The following TRIO variants were observed in gnomAD, a reference collection of about 807,000 sequenced individuals.
TRIO encodes trio Rho guanine nucleotide exchange factor, also known as triple functional domain protein.
In TRIO, 58 loss-of-function variants were observed where a neutral mutation model predicts 351.9. The observed-to-expected ratio is 0.16, with a 90% CI of 0.13 to 0.21. The LOEUF is 0.21. Among genes scored for constraint, TRIO ranks in the 10% least tolerant of loss-of-function variants. The probability of loss-of-function intolerance (pLI) is 1.00; values close to 1 mark genes in which losing one functional copy is unlikely to be tolerated. For missense variants in TRIO, 3,201 were observed against 4,027.8 expected, an observed-to-expected ratio of 0.79 and a Z score of 5.56; for synonymous variants, 1,758 against 1,595.7, an observed-to-expected ratio of 1.10 and a Z score of -2.42.
rs766404401 is a variant in TRIO at position 14,382,099 on chromosome 5, G to A, written c.3570+847G>A. On this transcript the variant is annotated intron_variant, in intron 21 of 56. Transcript: ENST00000344204. Reference sequence around the variant, plus strand: ...GCCTCTATTGTTGATGACAGATTTCGAGTTTTTGGAAAAATCTGACAATTA... The same window carrying A: ...GCCTCTATTGTTGATGACAGATTTCAAGTTTTTGGAAAAATCTGACAATTA... Among the ~76,000 whole-genome samples the A allele has an allele frequency of 5.9e-5, 9 of 152,238 alleles. No individual in the cohort carries two copies. The East Asian group carries it at 7.7e-4, about 13-fold the overall frequency.
chr5:14,257,278 C>T (rs911107956), intron 1 of TRIO, among the ~76,000 whole-genome samples: 5 of 152,202 alleles, frequency 3.3e-5, no homozygotes, highest in African/African-American at 1.2e-4. Context: ...AGCTGCAAAG[C>T]GTTGTGATAG....
At chr5:14,448,694 AT>A (rs985207635) in intron 34 of TRIO, among the ~76,000 whole-genome samples, 8 of 152,108 alleles carry the variant, frequency 5.3e-5, no homozygotes, top group Non-Finnish European at 8.8e-5. Context: ...GCTGCTGGGC[AT>A]GGATGTCTTC....
rs2152110510 is a variant in TRIO at position 14,143,624 on chromosome 5, A to C, written c.-102A>C. 5 of 366,908 alleles carry C rather than the reference A, an allele frequency of 1.4e-5. No homozygotes were observed. The highest frequency in any genetic ancestry group is 2.2e-5 in the African/African-American group (1 of 44,586). 22.7% of individuals were successfully genotyped at this position (366,908 alleles called of 1,614,324 possible). On this transcript the variant is annotated 5_prime_UTR_variant, in exon 1 of 57. Transcript: ENST00000344204. The stretch of plus-strand genomic sequence containing the variant: ...CTGCGTCCGCGCGCCGGGCGCGGGC[A>C]GCTGGGTGCTCGGCGCCGCCAGGCC...
chr5:14,203,799 T>C (rs1356099335), intron 1 of TRIO, among the ~76,000 whole-genome samples: 1 of 151,984 alleles, frequency 6.6e-6, no homozygotes, highest in Admixed American at 6.6e-5. Context: ...CTAGTCCTTT[T>C]CTCAGCAGAC....
chr5:14,458,041 C>CT (rs150710417), intron 34 of TRIO, among the ~76,000 whole-genome samples: 2,586 of 137,740 alleles, frequency 0.019, 26 homozygotes, highest in Middle Eastern at 0.049. Flanking sequence ...GGGCCTGGGT[C>CT]TTTTTTTTTT....
intron 34 of TRIO, chr5:14,441,365 A>C (rs993522357): frequency 6.5e-6 from 1 of 154,678 alleles, no homozygotes; most frequent in Non-Finnish European, 1.5e-5. Context: ...ACCTAGGTAC[A>C]CAAGCTCTCT....
chr5:14,183,689 G>A (rs1436154541), intron 1 of TRIO: 1 of 356,704 alleles, frequency 2.8e-6, no homozygotes, highest in African/African-American at 2.0e-5. Flanking sequence ...TTTCAGACTT[G>A]GATCAAAAAC....
intron 34 of TRIO, among the ~76,000 whole-genome samples, chr5:14,450,495 C>T (rs754620210): frequency 2.0e-5 from 3 of 151,842 alleles, no homozygotes; most frequent in Non-Finnish European, 2.9e-5. Context: ...CAGCATGAGC[C>T]GTGGCAGTGC....
chr5:14,376,097 G>A (rs184456674), intron 19 of TRIO, among the ~76,000 whole-genome samples: 3 of 152,274 alleles, frequency 2.0e-5, no homozygotes, highest in Admixed American at 2.0e-4. Context: ...CATTTTGGAG[G>A]TAGTATTGAG....
chr5:14,458,888 C>G (rs1408124790), intron 34 of TRIO, among the ~76,000 whole-genome samples: 1 of 152,172 alleles, frequency 6.6e-6, no homozygotes, highest in Non-Finnish European at 1.5e-5. Context: ...CCTTCCAGAC[C>G]ACACCGAAGG....
chr5:14,247,831 G>A (rs1794522822), intron 1 of TRIO, among the ~76,000 whole-genome samples: 1 of 152,096 alleles, frequency 6.6e-6, no homozygotes, highest in Non-Finnish European at 1.5e-5. Context: ...ACTTTGAGAG[G>A]CCGAGACAGG....
intron 1 of TRIO, among the ~76,000 whole-genome samples, chr5:14,239,935 T>C (rs917421151): frequency 5.3e-5 from 8 of 152,146 alleles, no homozygotes; most frequent in Admixed American, 4.6e-4. Context: ...AGGAGGAGTA[T>C]TTTCTTGATT....
At chr5:14,312,878 G>A (rs1739050783) in intron 8 of TRIO, among the ~76,000 whole-genome samples, 1 of 152,098 alleles carries the variant, frequency 6.6e-6, no homozygotes, top group Non-Finnish European at 1.5e-5. Flanking sequence ...CAACAGAACA[G>A]CAGTCCTCAT....
In TRIO at chr5:14,190,104, G is replaced by T. The variant is rs368623764; in HGVS notation, c.157+46222G>T. ...CTGGTTTGCACAGGAGATTGTAAGT[G>T]GGTCTATAGAGATGGAAAGTTACAG... On this transcript the variant is annotated intron_variant, in intron 1 of 56. Coordinates refer to ENST00000344204, the MANE Select transcript of TRIO (RefSeq NM_007118.4). Among the ~76,000 whole-genome samples, 12 of 152,186 alleles carry T rather than the reference G, an allele frequency of 7.9e-5. No individual in the cohort carries two copies. In the East Asian group the frequency reaches 1.4e-3, roughly 17 times the overall value.
chr5:14,381,379 A>G (rs1283479079), intron 21 of TRIO, 127 bp downstream of exon 21: 1 of 1,211,880 alleles, frequency 8.3e-7, no homozygotes, highest in Non-Finnish European at 1.1e-6. Flanking sequence ...CATTAACTGG[A>G]GGATGCTTCC....
intron 1 of TRIO, among the ~76,000 whole-genome samples, chr5:14,180,885 A>C (rs1453987582): frequency 6.6e-6 from 1 of 152,016 alleles, no homozygotes; most frequent in Non-Finnish European, 1.5e-5. Flanking sequence ...AGGCAGTTTT[A>C]ATTTTCTTTT....
At position 14,336,521 on chromosome 5, in the gene TRIO, T is replaced by C. The variant is rs1313032576; in HGVS notation, c.1855-15T>C. The C allele has an allele frequency of 1.2e-6, 2 of 1,610,254 alleles. No individual in the cohort carries two copies. The highest frequency in any genetic ancestry group is 2.7e-5 in the African/African-American group (2 of 75,008). ...TCACTTACCTTCTGTTTCTCTGGGA[T>C]GTTCTCTTGTGCAGAACACATACAC... On this transcript the variant is annotated splice_polypyrimidine_tract_variant and intron_variant, in intron 10 of 56. Transcript: ENST00000344204.
At chr5:14,481,322 C>T (rs780888683) in intron 44 of TRIO, 38 bp downstream of exon 44, 3 of 1,609,444 alleles carry the variant, frequency 1.9e-6, no homozygotes, top group South Asian at 1.1e-5. Context: ...CAAATCCCCA[C>T]CAGCCTCTTT....
chr5:14,293,158 C>A (rs1221710583), intron 6 of TRIO, 24 bp downstream of exon 6: 28 of 1,613,650 alleles, frequency 1.7e-5, no homozygotes, highest in Non-Finnish European at 2.4e-5. Flanking sequence ...AACAGCTGGA[C>A]CCTGGCATGT....
Sources: gnomAD v4.1 joint callset for allele counts (sites outside exome capture counted in the v4.1 genomes callset) on GRCh38, gnomAD v4.1.1 for gene constraint, MANE v1.5 for transcripts, NCBI Gene and HGNC (gene_info 2026-07-23, HGNC 2026-07-21) for gene names.